The following TUBA1C variants were observed in gnomAD, a reference collection of about 807,000 sequenced individuals.
TUBA1C encodes the protein tubulin alpha-1C chain.
TUBA1C carries 16 observed loss-of-function variants against 34.9 expected under a neutral mutation model. That is an observed-to-expected ratio of 0.46 (90% CI 0.31 to 0.70). The LOEUF is 0.70. Among genes scored for constraint, TUBA1C ranks in the 30% least tolerant of loss-of-function variants. The pLI, the probability that TUBA1C is intolerant of heterozygous loss-of-function variation, is 0.05. For synonymous variants in TUBA1C, 177 were observed against 215.9 expected, an observed-to-expected ratio of 0.82 and a Z score of 1.58; for missense variants, 329 against 587.3, an observed-to-expected ratio of 0.56 and a Z score of 4.55.
upstream of TUBA1C, among the ~76,000 whole-genome samples, chr12:49,260,930 G>A (rs1222933393): frequency 6.6e-6 from 1 of 151,898 alleles, no homozygotes; most frequent in Non-Finnish European, 1.5e-5. Context: ...ACAGGGTTTC[G>A]CCATGTTGCC....
At chr12:49,233,630 A>C (rs1942519723) in intron 1 of TUBA1C, 1 of 152,176 alleles carries the variant, frequency 6.6e-6, no homozygotes, top group African/African-American at 2.4e-5. Flanking sequence ...CCCTGATGGG[A>C]GATGGGAATT....
intron 1 of TUBA1C, among the ~76,000 whole-genome samples, chr12:49,250,263 G>A (rs192625811): frequency 1.6e-3 from 241 of 152,002 alleles, no homozygotes; most frequent in Middle Eastern, 0.014. Context: ...GGTGGCTTGC[G>A]CCTGTAATCC....
intron 1 of TUBA1C, among the ~76,000 whole-genome samples, chr12:49,239,467 C>T (rs1395019824): frequency 2.0e-5 from 3 of 151,896 alleles, no homozygotes; most frequent in Admixed American, 2.0e-4. Context: ...ATGGTGAAAC[C>T]CCATCTCTAC....
chr12:49,245,452 A>C (rs951985286), intron 1 of TUBA1C, among the ~76,000 whole-genome samples: 2 of 152,160 alleles, frequency 1.3e-5, no homozygotes, highest in African/African-American at 4.8e-5. Flanking sequence ...AAATAAAAAT[A>C]AAAAAATTAA....
At chr12:49,256,296 T>C in intron 1 of TUBA1C, 1 of 349,248 alleles carries the variant, frequency 2.9e-6, no homozygotes, top group East Asian at 7.8e-5. Context: ...TTTGGTTTAT[T>C]ATCAGTCATT....
At chr12:49,250,135 G>T (rs1034846475) in intron 1 of TUBA1C, among the ~76,000 whole-genome samples, 1 of 151,902 alleles carries the variant, frequency 6.6e-6, no homozygotes, top group Non-Finnish European at 1.5e-5. Context: ...GAGGTGGAAG[G>T]TTGCAGTGAG....
At chr12:49,255,282 T>A (rs2137006104) in intron 1 of TUBA1C, among the ~76,000 whole-genome samples, 1 of 152,188 alleles carries the variant, frequency 6.6e-6, no homozygotes, top group Non-Finnish European at 1.5e-5. Context: ...TTTACTTTCC[T>A]TACTCTGCAG....
chr12:49,235,197 TA>T (rs1400198515), intron 1 of TUBA1C, among the ~76,000 whole-genome samples: 2 of 150,108 alleles, frequency 1.3e-5, no homozygotes, highest in Non-Finnish European at 3.0e-5. Flanking sequence ...CTTATTCGAA[TA>T]AAAAGGGCTC....
intron 1 of TUBA1C, chr12:49,256,356 T>C (rs1162671054): frequency 2.3e-6 from 1 of 436,152 alleles, no homozygotes; most frequent in Non-Finnish European, 4.7e-6. Flanking sequence ...TTTGTTTCTT[T>C]GTTTTGAACA....
At chr12:49,253,123 G>A (rs1227686381) in intron 1 of TUBA1C, among the ~76,000 whole-genome samples, 2 of 151,574 alleles carry the variant, frequency 1.3e-5, no homozygotes, top group East Asian at 1.9e-4. Context: ...TCAGGAGAGT[G>A]GGAAAGTGAA....
At chr12:49,260,087 CTA>C (rs1359012572), upstream of TUBA1C, among the ~76,000 whole-genome samples, 2 of 152,028 alleles carry the variant, frequency 1.3e-5, no homozygotes, top group African/African-American at 4.8e-5. Flanking sequence ...TTTCCAGGCT[CTA>C]TGATATAGTC....
At chr12:49,253,629 G>A (rs747816586) in intron 1 of TUBA1C, among the ~76,000 whole-genome samples, 7 of 152,134 alleles carry the variant, frequency 4.6e-5, no homozygotes, top group Non-Finnish European at 8.8e-5. Flanking sequence ...TTGGGCTCAA[G>A]CGATCCTCCC....
intron 3 of TUBA1C, chr12:49,270,279 A>AT (rs1942973960): frequency 6.2e-6 from 3 of 485,908 alleles, no homozygotes; most frequent in Admixed American, 3.3e-5. Context: ...GATCAGAGTC[A>AT]TTTTTTAAAA....
At chr12:49,264,219 CAAA>C (rs572667018), upstream of TUBA1C, among the ~76,000 whole-genome samples, 5 of 79,568 alleles carry the variant, frequency 6.3e-5, no homozygotes, top group African/African-American at 8.7e-5. Context: ...GACTCCGTCT[CAAA>C]AAAAAAAAAA....
intron 1 of TUBA1C, among the ~76,000 whole-genome samples, chr12:49,249,577 T>C (rs939655779): frequency 6.6e-6 from 1 of 152,036 alleles, no homozygotes; most frequent in Non-Finnish European, 1.5e-5. Context: ...AAAATAACAA[T>C]GACTGGTCGT....
At chr12:49,258,019 C>T (rs1431313564) in intron 1 of TUBA1C, 4 of 156,788 alleles carry the variant, frequency 2.6e-5, no homozygotes, top group African/African-American at 4.8e-5. Context: ...CCACCACATC[C>T]GGCTAATTTT....
intron 1 of TUBA1C, among the ~76,000 whole-genome samples, chr12:49,251,083 T>A (rs1942727662): frequency 1.3e-5 from 2 of 152,044 alleles, no homozygotes; most frequent in Non-Finnish European, 2.9e-5. Context: ...GGCACATACC[T>A]ATAGACCCAG....
chr12:49,253,349 A>T (rs1565643950), intron 1 of TUBA1C, among the ~76,000 whole-genome samples: 1 of 152,122 alleles, frequency 6.6e-6, no homozygotes, highest in Non-Finnish European at 1.5e-5. Flanking sequence ...GGTGGAAGCT[A>T]TGGAAGGAGA....
chr12:49,253,086 T>TAAAA (rs896502071), intron 1 of TUBA1C, among the ~76,000 whole-genome samples: 2 of 95,596 alleles, frequency 2.1e-5, no homozygotes, highest in East Asian at 2.9e-4. Context: ...GACCCTATCT[T>TAAAA]AAAAAAAAAA....
Sources: allele counts gnomAD v4.1 joint callset (sites outside exome capture counted in the v4.1 genomes callset), GRCh38; gene constraint gnomAD v4.1.1; transcripts MANE v1.5; gene names NCBI Gene and HGNC (gene_info 2026-07-23, HGNC 2026-07-21).